Variants in HSPG2 observed in about 807,000 individuals in gnomAD.
HSPG2 encodes the protein heparan sulfate proteoglycan 2.
Under a neutral mutation model 526.6 loss-of-function variants are expected in HSPG2, and 278 were observed. That is an observed-to-expected ratio of 0.53 (90% CI 0.48 to 0.58). The LOEUF (loss-of-function observed/expected upper bound fraction) is 0.58, where lower values mean the gene tolerates loss of function less well. Among genes scored for constraint, HSPG2 ranks in the 20% least tolerant of loss-of-function variants. The pLI, the probability that HSPG2 is intolerant of heterozygous loss-of-function variation, is 0.00. For missense variants in HSPG2, 5,354 were observed against 6,099.5 expected (o/e 0.88, Z 4.07); for synonymous variants, 2,465 against 2,555.4 (o/e 0.96, Z 1.07).
intron 69 of HSPG2, 125 bp from the exon 70 acceptor site, chr1:21,841,798 G>A: frequency 7.3e-7 from 1 of 1,365,622 alleles, no homozygotes; most frequent in Non-Finnish European, 1.0e-6. Context: ...TCTAGCTCAT[G>A]GAGTCGCAGA....
Position 21,827,869 on chromosome 1 carries a change from C to T in HSPG2, c.12583G>A (p.Gly4195Ser), listed in dbSNP as rs1178600153. Reference sequence around the variant, plus strand: ...GGCCATGGCAAGTACTCACCATTGCCCCCGCTGCCTTCAAGATGCCAGTCG... The same window carrying T: ...GGCCATGGCAAGTACTCACCATTGCTCCCGCTGCCTTCAAGATGCCAGTCG... ...ESDWHLEGSG[G>S]NDAPGQYGAY... The change falls in exon 91 of 97, where the codon GGC (glycine) becomes AGC (serine). Residue 4195 changes from glycine to serine, a missense_variant. Transcript: ENST00000374695. The T allele has an allele frequency of 5.1e-6, 8 of 1,583,672 alleles. No individual in the cohort carries two copies. The highest frequency in any genetic ancestry group is 6.0e-6 in the Non-Finnish European group (7 of 1,164,896).
Position 21,861,743 on chromosome 1 carries a change from G to T in HSPG2, c.4955+14C>A. The T allele has an allele frequency of 6.2e-7, 1 of 1,613,064 alleles. No individual in the cohort carries two copies. Among genetic ancestry groups the T allele is most frequent in the Non-Finnish European group, 8.5e-7 (1 of 1,179,124 alleles). On this transcript the variant is annotated intron_variant, in intron 39 of 96. Transcript: ENST00000374695. ...TGTCCTCCACCCTCCCCCTACTTCT[G>T]TTTACAAACTTACTGCTCACAGTAC... is the stretch of plus-strand genomic sequence containing the variant.
Position 21,896,197 on chromosome 1 carries a change from C to T in HSPG2, c.177G>A (p.Met59Ile), listed in dbSNP as rs896551340. 3 of 1,613,890 alleles carry T rather than the reference C, an allele frequency of 1.9e-6. No individual in the cohort carries two copies. The highest frequency in any genetic ancestry group is 2.5e-6 in the Non-Finnish European group (3 of 1,180,020). ...CACCTCCTGAGATGCTGTCAGCCAG[C>T]ATGTCCTCATCATCAGAAAGGTACG... ...THSYLSDDED[M>I]LADSISGDDL... The change falls in exon 2 of 97, where the codon ATG becomes ATA. Residue 59 changes from methionine to isoleucine, a missense_variant. Physicochemically the swap from Met to Ile is conservative, Grantham distance 10 (BLOSUM62 1). Transcript: ENST00000374695.
Position 21,828,728 on chromosome 1 carries a change from G to A in HSPG2, c.12237+107C>T. The A allele has an allele frequency of 6.8e-7, 1 of 1,479,964 alleles. No individual in the cohort carries two copies. The highest frequency in any genetic ancestry group is 9.2e-7 in the Non-Finnish European group (1 of 1,089,950). 91.7% of individuals were successfully genotyped at this position (1,479,964 alleles called of 1,614,324 possible). The stretch of plus-strand genomic sequence containing the variant: ...ACAGTGTCCTGGCCCAGGGCCCGTG[G>A]GTGGCTGCAGGTGGAGGGGCCCAAT... On this transcript the variant is annotated intron_variant, in intron 88 of 96. Transcript: ENST00000374695. The surrounding 1 kb of genome is among the most constrained non-coding windows in gnomAD (Gnocchi z 6.0).
intron 40 of HSPG2, 81 bp from the exon 41 acceptor site, chr1:21,860,083 A>G: frequency 1.3e-6 from 2 of 1,596,928 alleles, no homozygotes; most frequent in Non-Finnish European, 8.6e-7. Flanking sequence ...GGGGTACCCC[A>G]CCCTCAGCCC....
chr1:21,826,886 A>G (rs962620980), intron 91 of HSPG2, among the ~76,000 whole-genome samples: 2 of 152,210 alleles, frequency 1.3e-5, no homozygotes, highest in Non-Finnish European at 2.9e-5. Context: ...TTTAAAATGC[A>G]CTAAGTGGCC....
chr1:21,848,625 C>T lies in HSPG2; in HGVS notation c.7737+18G>A. ...TGGTGTGCCCTGCTTTTGCCCTCCCCACCTGCTGGCCCTGTACCTGGTGCC... is the reference window on the plus strand; with the variant it reads ...TGGTGTGCCCTGCTTTTGCCCTCCCTACCTGCTGGCCCTGTACCTGGTGCC... On this transcript the variant is annotated intron_variant, in intron 59 of 96. Transcript: ENST00000374695. The surrounding 1 kb of genome is among the most constrained non-coding windows in gnomAD (Gnocchi z 4.9). 2 of 1,612,768 alleles carry T rather than the reference C, an allele frequency of 1.2e-6. No individual in the cohort carries two copies. Among genetic ancestry groups the T allele is most frequent in the Non-Finnish European group, 1.7e-6 (2 of 1,179,998 alleles).
rs754976569 is a variant in HSPG2, at chr1:21,828,537, C to T, written c.12238-111G>A. 68 of 1,179,028 alleles carry T rather than the reference C, an allele frequency of 5.8e-5. No individual in the cohort carries two copies. Among genetic ancestry groups the T allele is most frequent in the Non-Finnish European group, 7.8e-5 (64 of 818,408 alleles). The allele number at this position is 1,179,028 out of a possible 1,614,324, so 73.0% of individuals were successfully genotyped here. A position where few individuals can be genotyped will look rare whatever the true frequency, so the allele number is the denominator to read the frequency against. ...GGGAGCTGGGAGCCCACATTGGGCCCTGAGTGGTAGCATGGATTCTCGGTG... is the reference window on the plus strand; with the variant it reads ...GGGAGCTGGGAGCCCACATTGGGCCTTGAGTGGTAGCATGGATTCTCGGTG... On this transcript the variant is annotated intron_variant, in intron 88 of 96. Transcript: ENST00000374695. The surrounding 1 kb of genome is among the most constrained non-coding windows in gnomAD (Gnocchi z 6.0).
intron 37 of HSPG2, among the ~76,000 whole-genome samples, chr1:21,862,583 C>CAAA (rs1164705115): frequency 3.2e-4 from 3 of 9,282 alleles, no homozygotes; most frequent in Non-Finnish European, 9.0e-4. Flanking sequence ...GACTCCATCT[C>CAAA]AAAAAAAAAA....
chr1:21,886,039 C>A (rs1401366487), intron 9 of HSPG2, among the ~76,000 whole-genome samples: 2 of 152,226 alleles, frequency 1.3e-5, no homozygotes, highest in African/African-American at 4.8e-5. Flanking sequence ...CAGACAGGGA[C>A]AGAGAAGTCA....
intron 37 of HSPG2, among the ~76,000 whole-genome samples, chr1:21,862,797 G>A (rs975706797): frequency 1.6e-4 from 24 of 151,132 alleles, no homozygotes; most frequent in African/African-American, 4.4e-4. Flanking sequence ...ATTGTCAGCC[G>A]GGCACAGTGG....
At chr1:21,928,794 G>A (rs1644273175) in intron 1 of HSPG2, among the ~76,000 whole-genome samples, 1 of 149,820 alleles carries the variant, frequency 6.7e-6, no homozygotes, top group African/African-American at 2.5e-5. Context: ...TTGTTGCTCA[G>A]GCTGGAGTGC....
intron 33 of HSPG2, among the ~76,000 whole-genome samples, chr1:21,867,362 G>A (rs887618406): frequency 4.3e-4 from 66 of 152,062 alleles, no homozygotes; most frequent in African/African-American, 1.4e-3. Context: ...TGGGATTATA[G>A]GTGTGAGCCA....
At chr1:21,922,972 C>T (rs1224177991) in intron 1 of HSPG2, among the ~76,000 whole-genome samples, 1 of 152,118 alleles carries the variant, frequency 6.6e-6, no homozygotes, top group Admixed American at 6.5e-5. Flanking sequence ...CCCACCCCGA[C>T]CCCAGAAGGC....
chr1:21,857,029 G>C lies in HSPG2; in HGVS notation c.5561C>G (p.Thr1854Ser). Reference sequence around the variant, plus strand: ...GGGAGGTGTACCCTGCACATGTAGAGTGGCTGTGCCCTGGTCCATGGCAAA... The same window carrying C: ...GGGAGGTGTACCCTGCACATGTAGACTGGCTGTGCCCTGGTCCATGGCAAA... ...NMFAMDQGTA[T>S]LHVQASGTLS... The change falls in exon 44 of 97, where the codon ACT (threonine) becomes AGT (serine). Residue 1854 changes from threonine to serine, a missense_variant. Transcript: ENST00000374695. 1 of 1,614,176 alleles carries C rather than the reference G, an allele frequency of 6.2e-7. No homozygotes were observed. The highest frequency in any genetic ancestry group is 8.5e-7 in the Non-Finnish European group (1 of 1,180,004).
intron 50 of HSPG2, chr1:21,853,873 T>C: frequency 2.5e-6 from 1 of 399,024 alleles, no homozygotes; most frequent in South Asian, 2.6e-5. Flanking sequence ...GCCCCAAAAG[T>C]TAAAAGCTAG....
chr1:21,896,049 T>C, intron 2 of HSPG2, 83 bp from the exon 3 acceptor site: 1 of 1,582,602 alleles, frequency 6.3e-7, no homozygotes, highest in Non-Finnish European at 8.7e-7. Flanking sequence ...TCTGGGCACC[T>C]AGTATACAGT....
In HSPG2 at chr1:21,927,208, G is replaced by C. The variant is rs547904149; in HGVS notation, c.63+9947C>G. Among the ~76,000 whole-genome samples the C allele has an allele frequency of 2.5e-3, 379 of 152,216 alleles. 1 individual carries two copies. The highest frequency in any genetic ancestry group is 8.8e-3 in the African/African-American group (367 of 41,496). On this transcript the variant is annotated intron_variant, in intron 1 of 96. Transcript: ENST00000374695. ...TCCCCTTCCCCACCGACTGGGATGG[G>C]AGAAAGATGGGGAAAGAGGCCAAAT... is the stretch of plus-strand genomic sequence containing the variant.
At chr1:21,909,441 G>C (rs1416476542) in intron 1 of HSPG2, among the ~76,000 whole-genome samples, 1 of 152,166 alleles carries the variant, frequency 6.6e-6, no homozygotes, top group Non-Finnish European at 1.5e-5. Flanking sequence ...TGGGAAGAAG[G>C]AAACCTGACC....
Sources: gnomAD v4.1 joint callset for allele counts (sites outside exome capture counted in the v4.1 genomes callset) on GRCh38, gnomAD v4.1.1 for gene constraint, Gnocchi (gnomAD v3.1) non-coding constraint, MANE v1.5 for transcripts, NCBI Gene and HGNC (gene_info 2026-07-23, HGNC 2026-07-21) for gene names.